Variants in GABRG3 observed in about 807,000 individuals in gnomAD.
GABRG3 encodes the protein gamma-aminobutyric acid receptor subunit gamma-3.
Under a neutral mutation model 48.8 loss-of-function variants are expected in GABRG3, and 25 were observed. The observed-to-expected ratio is 0.51, with a 90% CI of 0.37 to 0.72. The LOEUF (loss-of-function observed/expected upper bound fraction) is 0.72. GABRG3 is among the 30% of genes least tolerant of loss of function. The pLI is 0.00. For synonymous variants in GABRG3, 227 were observed against 217.6 expected (o/e 1.04, Z -0.38); for missense variants, 394 against 577.9 (o/e 0.68, Z 3.26).
chr15:27,369,876 G>A (rs1261798108), intron 5 of GABRG3, among the ~76,000 whole-genome samples: 3 of 149,200 alleles, frequency 2.0e-5, no homozygotes, highest in South Asian at 2.1e-4. Context: ...ATGTGGGCAC[G>A]GACCCAGATC....
intron 3 of GABRG3, among the ~76,000 whole-genome samples, chr15:27,312,658 G>A (rs974491387): frequency 3.3e-5 from 5 of 151,996 alleles, no homozygotes; most frequent in Admixed American, 6.6e-5. Context: ...TAAAATAACT[G>A]GAAACCAAGA....
chr15:27,070,055 T>C (rs1050996679), intron 3 of GABRG3, among the ~76,000 whole-genome samples: 1 of 152,236 alleles, frequency 6.6e-6, no homozygotes, highest in African/African-American at 2.4e-5. Flanking sequence ...TTGTGTGTTG[T>C]GAAAAAAACA....
chr15:27,364,078 G>A (rs1318820444), intron 5 of GABRG3: 1 of 152,200 alleles, frequency 6.6e-6, no homozygotes, highest in Non-Finnish European at 1.5e-5. Flanking sequence ...AGTCACTACC[G>A]AAACACAAGG....
At chr15:27,205,102 G>T (rs376946251) in intron 3 of GABRG3, among the ~76,000 whole-genome samples, 15 of 151,736 alleles carry the variant, frequency 9.9e-5, no homozygotes, top group Admixed American at 8.5e-4. Flanking sequence ...GTTGAATAGC[G>T]GTGGCGAGAG....
intron 5 of GABRG3, among the ~76,000 whole-genome samples, chr15:27,369,103 C>G (rs979139712): frequency 2.6e-5 from 4 of 152,182 alleles, no homozygotes; most frequent in African/African-American, 9.7e-5. Flanking sequence ...TTAAAATGCA[C>G]TAAGCAACTT....
At chr15:27,308,262 A>G (rs1892788243) in intron 3 of GABRG3, among the ~76,000 whole-genome samples, 7 of 140,938 alleles carry the variant, frequency 5.0e-5, no homozygotes, top group East Asian at 2.1e-4. Flanking sequence ...ATACGTTTAT[A>G]TATAAACATA....
chr15:27,350,592 G>A (rs910539462), intron 5 of GABRG3, among the ~76,000 whole-genome samples: 4 of 152,150 alleles, frequency 2.6e-5, no homozygotes, highest in East Asian at 1.9e-4. Flanking sequence ...TCCTCTCTAC[G>A]TCCAGGGAGT....
chr15:26,974,179 C>CT lies in GABRG3; in HGVS notation c.53+2592dup. Among the ~76,000 whole-genome samples, 1 of 152,130 alleles carries CT rather than the reference C, an allele frequency of 6.6e-6. No homozygotes were observed. Among genetic ancestry groups the CT allele is most frequent in the Non-Finnish European group, 1.5e-5 (1 of 68,008 alleles). On this transcript the variant is annotated intron_variant, in intron 1 of 9. Transcript: ENST00000615808. The surrounding 1 kb of genome is among the most constrained non-coding windows in gnomAD (Gnocchi z 4.3). ...CTGCCTACCCAACCAGGCTACACAGCTGGGGCCCTGATATGCCTCCCAAAG... is the reference window on the plus strand; with the variant it reads ...CTGCCTACCCAACCAGGCTACACAGCTTGGGGCCCTGATATGCCTCCCAAAG...
rs190851494 is a variant in GABRG3 at position 27,066,376 on chromosome 15, G to A, written c.270+39555G>A. Among the ~76,000 whole-genome samples, 15 of 152,218 alleles carry A rather than the reference G, an allele frequency of 9.9e-5. No homozygotes were observed. In the East Asian group the frequency reaches 1.6e-3, roughly 16 times the overall value. On this transcript the variant is annotated intron_variant, in intron 3 of 9. Transcript: ENST00000615808. ...TTTGGAGGGATAGGGCTGTTTCAGC[G>A]TTGCTGTTGAATGGTCTAGAAGACT... is the stretch of plus-strand genomic sequence containing the variant.
At chr15:27,375,417 C>G (rs68074233) in intron 5 of GABRG3, among the ~76,000 whole-genome samples, 24,492 of 152,064 alleles carry the variant, frequency 0.16, 3,184 homozygotes, top group African/African-American at 0.36. Context: ...ATACTTTGGG[C>G]TATTGGTTGA....
intron 5 of GABRG3, among the ~76,000 whole-genome samples, chr15:27,469,458 A>G (rs1387498858): frequency 6.6e-6 from 1 of 152,130 alleles, no homozygotes; most frequent in Non-Finnish European, 1.5e-5. Context: ...CTCCGGCCTC[A>G]GCCTCCCAAG....
rs2088770515 is a variant in GABRG3 at position 27,179,662 on chromosome 15, G to A, written c.271-147147G>A. ...CCTCGAGTCCTGTTGTCCTGCCGGGGGTCCATTCATCTTGTATCTTCAGAA... is the reference window on the plus strand; with the variant it reads ...CCTCGAGTCCTGTTGTCCTGCCGGGAGTCCATTCATCTTGTATCTTCAGAA... On this transcript the variant is annotated intron_variant, in intron 3 of 9. Coordinates refer to ENST00000615808, the MANE Select transcript of GABRG3 (RefSeq NM_033223.5). The surrounding 1 kb of genome is among the most constrained non-coding windows in gnomAD (Gnocchi z 4.0). 6.6e-6 allele frequency among the ~76,000 whole-genome samples: 1 copy of A among 152,072 alleles called. No individual in the cohort carries two copies. The highest frequency in any genetic ancestry group is 2.4e-5 in the African/African-American group (1 of 41,394).
rs148023738 is a variant in GABRG3, at chr15:27,146,208, A to G, written c.270+119387A>G. Among the ~76,000 whole-genome samples the G allele has an allele frequency of 2.4e-3, 368 of 152,314 alleles. 2 individuals carry two copies. The highest frequency in any genetic ancestry group is 8.4e-3 in the African/African-American group (351 of 41,582). On this transcript the variant is annotated intron_variant, in intron 3 of 9. Transcript: ENST00000615808. ...GGTGGCTCAAACCTGTAATCCCAGC[A>G]CTTTGGGAGGCCAAGGTGGATGGAT... is the stretch of plus-strand genomic sequence containing the variant.
intron 6 of GABRG3, chr15:27,481,267 T>G (rs941634386): frequency 1.1e-6 from 1 of 947,870 alleles, no homozygotes; most frequent in African/African-American, 1.8e-5. Context: ...CCAATTTGAT[T>G]TTATGAAGTG....
At chr15:27,219,437 G>T (rs918495458) in intron 3 of GABRG3, among the ~76,000 whole-genome samples, 1 of 152,190 alleles carries the variant, frequency 6.6e-6, no homozygotes, top group Non-Finnish European at 1.5e-5. Flanking sequence ...GGAACTGAGT[G>T]AGACACATTC....
chr15:27,151,118 A>T (rs1263668702), intron 3 of GABRG3, among the ~76,000 whole-genome samples: 1 of 152,272 alleles, frequency 6.6e-6, no homozygotes, highest in Non-Finnish European at 1.5e-5. Flanking sequence ...CTCAATAATG[A>T]CATCTTGCAA....
intron 5 of GABRG3, among the ~76,000 whole-genome samples, chr15:27,436,508 C>G (rs1595753405): frequency 6.6e-6 from 1 of 152,206 alleles, no homozygotes; most frequent in South Asian, 2.1e-4. Context: ...TTACCATTTA[C>G]TGAGATGGTA....
chr15:27,482,294 AT>A (rs1461671933), intron 6 of GABRG3, among the ~76,000 whole-genome samples: 1 of 152,160 alleles, frequency 6.6e-6, no homozygotes, highest in African/African-American at 2.4e-5. Context: ...AAAAATTCCC[AT>A]TTCATACGCT....
At chr15:27,185,337 A>T (rs1438640444) in intron 3 of GABRG3, among the ~76,000 whole-genome samples, 1 of 151,972 alleles carries the variant, frequency 6.6e-6, no homozygotes, top group Admixed American at 6.6e-5. Flanking sequence ...GTGTTTGGAT[A>T]TTTCCCTTTT....
Sources: gnomAD v4.1 joint callset for allele counts (sites outside exome capture counted in the v4.1 genomes callset) on GRCh38, gnomAD v4.1.1 for gene constraint, Gnocchi (gnomAD v3.1) non-coding constraint, MANE v1.5 for transcripts, NCBI Gene and HGNC (gene_info 2026-07-23, HGNC 2026-07-21) for gene names.